The following SRCIN1 variants were observed in gnomAD, a reference collection of about 807,000 sequenced individuals.
The protein encoded by SRCIN1 is P130Cas-associated protein.
A neutral mutation model predicts 116.2 loss-of-function variants in SRCIN1; 50 were observed. The observed-to-expected ratio is 0.43, with a 90% confidence interval of 0.34 to 0.54. The LOEUF (loss-of-function observed/expected upper bound fraction) is 0.54, where lower values mean the gene tolerates loss of function less well. SRCIN1 is among the 20% of genes least tolerant of loss of function. The pLI is 0.02. For missense variants in SRCIN1, 1,446 were observed against 1,672.0 expected (o/e 0.86, Z 2.36); for synonymous variants, 736 against 750.0 (o/e 0.98, Z 0.30).
chr17:38,575,024 C>T (rs1035699741), intron 2 of SRCIN1: 3 of 400,120 alleles, frequency 7.5e-6, no homozygotes, highest in African/African-American at 4.1e-5. Flanking sequence ...GGGCAGGAGC[C>T]GCTGGGGTAC....
At chr17:38,594,646 C>A (rs1156699011) in intron 1 of SRCIN1, among the ~76,000 whole-genome samples, 3 of 142,698 alleles carry the variant, frequency 2.1e-5, no homozygotes, top group Non-Finnish European at 3.2e-5. Flanking sequence ...TTTCTTTACT[C>A]TTCTCAACAA....
intron 1 of SRCIN1, among the ~76,000 whole-genome samples, chr17:38,581,410 A>G (rs1436800261): frequency 7.0e-6 from 1 of 143,194 alleles, no homozygotes; most frequent in African/African-American, 2.9e-5. Flanking sequence ...TGTCTCAAAA[A>G]AAAAAAAAGA....
intron 2 of SRCIN1, chr17:38,575,008 G>A (rs1299921423): frequency 5.0e-6 from 2 of 400,756 alleles, no homozygotes; most frequent in Non-Finnish European, 8.8e-6. Flanking sequence ...CCCCATTAGG[G>A]GAAGCGGGCA....
chr17:38,583,557 T>TTTTG (rs1907940403), intron 1 of SRCIN1, among the ~76,000 whole-genome samples: 6 of 147,916 alleles, frequency 4.1e-5, no homozygotes, highest in African/African-American at 1.5e-4. Flanking sequence ...TGTTTTTTTT[T>TTTTG]TTTTTTTTTT....
rs368353529 is a variant in SRCIN1, at chr17:38,551,961, G to A, written c.2652C>T (p.Thr884=). ...LSGPAEGASL[T]PKGGNPTKGL... ...CTTTGGTGGGGTTGCCCCCCTTGGGGGTAAGAGAGGCTCCTTCAGCTGGCC... is the reference window on the plus strand; with the variant it reads ...CTTTGGTGGGGTTGCCCCCCTTGGGAGTAAGAGAGGCTCCTTCAGCTGGCC... The change falls in exon 14 of 19, where the codon ACC becomes ACT. Residue 884 remains threonine, a synonymous_variant. Transcript: ENST00000617146. 23 of 1,614,072 alleles carry A rather than the reference G, an allele frequency of 1.4e-5. No individual in the cohort carries two copies. Among genetic ancestry groups the A allele is most frequent in the Non-Finnish European group, 1.9e-5 (22 of 1,179,910 alleles).
Position 38,605,733 on chromosome 17 carries a change from C to G in SRCIN1, c.-28G>C. 3.5e-6 allele frequency: 4 copies of G among 1,141,324 alleles called. No individual in the cohort carries two copies. Among genetic ancestry groups the G allele is most frequent in the Non-Finnish European group, 4.4e-6 (4 of 916,136 alleles). 70.7% of individuals were successfully genotyped at this position (1,141,324 alleles called of 1,614,324 possible). A position where few individuals can be genotyped will look rare whatever the true frequency, so the allele number is the denominator to read the frequency against. ...GGCGGGGGCGCGGGGGGCGGGGGCCCCGGGCCGGCCTGCCTGGCGCTCGCC... is the reference window on the plus strand; with the variant it reads ...GGCGGGGGCGCGGGGGGCGGGGGCCGCGGGCCGGCCTGCCTGGCGCTCGCC... On this transcript the variant is annotated 5_prime_UTR_variant, in exon 1 of 19. Coordinates refer to ENST00000617146, the MANE Select transcript of SRCIN1 (RefSeq NM_025248.3).
At chr17:38,553,718 T>C (rs1224035811) in intron 11 of SRCIN1, among the ~76,000 whole-genome samples, 2 of 152,170 alleles carry the variant, frequency 1.3e-5, no homozygotes, top group African/African-American at 4.8e-5. Flanking sequence ...GAACGCTAAA[T>C]GGATCCCATC....
Position 38,568,081 on chromosome 17 carries a change from C to T in SRCIN1, c.345+130G>A, listed in dbSNP as rs1352216209. 2 of 1,141,706 alleles carry T rather than the reference C, an allele frequency of 1.8e-6. No individual in the cohort carries two copies. The highest frequency in any genetic ancestry group is 1.5e-5 in the African/African-American group (1 of 65,072). The allele number at this position is 1,141,706 out of a possible 1,614,324, so 70.7% of individuals were successfully genotyped here. A position where few individuals can be genotyped will look rare whatever the true frequency, so the allele number is the denominator to read the frequency against. The stretch of plus-strand genomic sequence containing the variant: ...GCAGCCACAGCCTGCAGCCCCGAGG[C>T]CCACCGCCCATACCAGAAGGTGTCC... On this transcript the variant is annotated intron_variant, in intron 3 of 18. Coordinates refer to ENST00000617146, the MANE Select transcript of SRCIN1 (RefSeq NM_025248.3). The surrounding 1 kb of genome is among the most constrained non-coding windows in gnomAD (Gnocchi z 4.5).
At chr17:38,581,885 T>C (rs912745817) in intron 1 of SRCIN1, among the ~76,000 whole-genome samples, 2 of 152,158 alleles carry the variant, frequency 1.3e-5, no homozygotes, top group African/African-American at 4.8e-5. Flanking sequence ...TTGCCTCCCA[T>C]AACCCCTGAC....
At chr17:38,540,335 T>C (rs947896025) in intron 18 of SRCIN1, among the ~76,000 whole-genome samples, 1 of 152,166 alleles carries the variant, frequency 6.6e-6, no homozygotes, top group Non-Finnish European at 1.5e-5. Flanking sequence ...TCTAGTCCCC[T>C]CCATCTCAAC....
At position 38,562,817 on chromosome 17, in the gene SRCIN1, C is replaced by T. The variant is rs1353008624; in HGVS notation, c.834+10G>A. 6.2e-7 allele frequency: 1 copy of T among 1,613,128 alleles called. No individual in the cohort carries two copies. The highest frequency in any genetic ancestry group is 1.7e-5 in the Admixed American group (1 of 59,950). ...AGCCTCCCCAATGCCCTGGGCATGC[C>T]CAGCCATACCCGGAGGTCCCCGTTG... is the stretch of plus-strand genomic sequence containing the variant. On this transcript the variant is annotated intron_variant, in intron 6 of 18. Transcript: ENST00000617146. This position sits in a 1 kb window ranked among gnomAD's most constrained non-coding sequence, Gnocchi z 4.2.
At chr17:38,565,551 TAA>T (rs1567868405) in intron 3 of SRCIN1, among the ~76,000 whole-genome samples, 1 of 152,188 alleles carries the variant, frequency 6.6e-6, no homozygotes, top group African/African-American at 2.4e-5. Flanking sequence ...TTTTATAATT[TAA>T]AAAAAGACAA....
chr17:38,562,932 G>A lies in SRCIN1; in HGVS notation c.741-12C>T, dbSNP rs1452199820. On this transcript the variant is annotated splice_polypyrimidine_tract_variant and intron_variant, in intron 5 of 18. Transcript: ENST00000617146. This position sits in a 1 kb window ranked among gnomAD's most constrained non-coding sequence, Gnocchi z 4.2. ...GGTCCTGGATGTCCCTGGGAGAGGC[G>A]GGGAGACGGGGGTCACCACCCATCC... The A allele has an allele frequency of 2.5e-6, 4 of 1,599,314 alleles. No homozygotes were observed. Among genetic ancestry groups the A allele is most frequent in the Admixed American group, 3.4e-5 (2 of 59,532 alleles).
chr17:38,587,927 CT>C lies in SRCIN1; in HGVS notation c.23-9137del, dbSNP rs371852214. ...AGATATACAACCCTCTTTCTTCCCC[CT>C]GCCCCTCCTCTTTCACACACAGCAG... On this transcript the variant is annotated intron_variant, in intron 1 of 18. Transcript: ENST00000617146. Among the ~76,000 whole-genome samples the C allele has an allele frequency of 3.4e-3, 521 of 151,554 alleles. 3 individuals are homozygous for C. The highest frequency in any genetic ancestry group is 0.012 in the African/African-American group (506 of 40,878).
intron 18 of SRCIN1, among the ~76,000 whole-genome samples, chr17:38,534,037 T>G (rs2040965609): frequency 6.6e-6 from 1 of 152,148 alleles, no homozygotes; most frequent in Admixed American, 6.5e-5. Context: ...TCCCGCCCAG[T>G]GCAGGAGGCC....
rs1338900258 is a variant in SRCIN1, at chr17:38,531,705, AAAG to A, written c.*1589_*1591del. On this transcript the variant is annotated 3_prime_UTR_variant, in exon 19 of 19. Coordinates refer to ENST00000617146, the MANE Select transcript of SRCIN1 (RefSeq NM_025248.3). ...TGAACCAACAAAGGCAAAAACAAAA[AAAG>A]AAATGAAGAAACACAACCCGTTTCC... is the stretch of plus-strand genomic sequence containing the variant. 1 of 152,294 alleles carries A rather than the reference AAAG, an allele frequency of 6.6e-6. No homozygotes were observed. The highest frequency in any genetic ancestry group is 6.5e-5 in the Admixed American group (1 of 15,268). The allele number at this position is 152,294 out of a possible 1,614,324, so 9.4% of individuals were successfully genotyped here.
rs774551912 is a variant in SRCIN1, at chr17:38,552,750, G to A, written c.2307C>T (p.Leu769=). Residue 769 remains leucine (L), a synonymous_variant, in exon 12 of 19, where the codon CTC becomes CTT. Coordinates refer to ENST00000617146, the MANE Select transcript of SRCIN1 (RefSeq NM_025248.3). The surrounding 1 kb of genome is among the most constrained non-coding windows in gnomAD (Gnocchi z 5.3). ...CCTTGAGCTCTGTCAGCGTCTCCCC[G>A]AGCTGCTTCAGCACCAGTGCCTTCT... The part of the protein sequence containing the change: ...LEEKALVLKQ[L]GETLTELKAH... 2 of 1,613,884 alleles carry A rather than the reference G, an allele frequency of 1.2e-6. No individual in the cohort carries two copies. Among genetic ancestry groups the A allele is most frequent in the South Asian group, 1.1e-5 (1 of 91,068 alleles).
At chr17:38,573,649 A>T (rs1012132960) in intron 2 of SRCIN1, among the ~76,000 whole-genome samples, 1 of 152,134 alleles carries the variant, frequency 6.6e-6, no homozygotes, top group East Asian at 1.9e-4. Flanking sequence ...TCCAACCCCT[A>T]TCACAGCCCC....
chr17:38,535,585 G>A (rs1285444820), intron 18 of SRCIN1, among the ~76,000 whole-genome samples: 17 of 152,172 alleles, frequency 1.1e-4, no homozygotes. Context: ...CCCAGCCACA[G>A]GGTCGTCAGA....
Sources: allele counts gnomAD v4.1 joint callset (sites outside exome capture counted in the v4.1 genomes callset), GRCh38; gene constraint gnomAD v4.1.1; non-coding constraint Gnocchi (gnomAD v3.1); transcripts MANE v1.5; gene names NCBI Gene and HGNC (gene_info 2026-07-23, HGNC 2026-07-21).